Variants in USP47 observed in about 807,000 individuals in gnomAD.
USP47 encodes ubiquitin specific peptidase 47.
Under a neutral mutation model 165.1 loss-of-function variants are expected in USP47, and 35 were observed. The ratio of observed to expected loss-of-function variants is 0.21; its 90% CI spans 0.16 to 0.28. The LOEUF (loss-of-function observed/expected upper bound fraction) is 0.28, where lower values mean the gene tolerates loss of function less well. Among genes scored for constraint, USP47 ranks in the 10% least tolerant of loss-of-function variants. The probability of loss-of-function intolerance (pLI) is 1.00; values close to 1 mark genes in which losing one functional copy is unlikely to be tolerated. For missense variants in USP47, 1,277 were observed against 1,607.4 expected, an observed-to-expected ratio of 0.79 and a Z score of 3.52; for synonymous variants, 531 against 544.5, an observed-to-expected ratio of 0.98 and a Z score of 0.35.
intron 8 of USP47, among the ~76,000 whole-genome samples, chr11:11,909,576 G>A (rs1852813700): frequency 6.6e-6 from 1 of 151,898 alleles, no homozygotes; most frequent in African/African-American, 2.4e-5. Flanking sequence ...TCTTTTTATT[G>A]GTGTATTTTG....
chr11:11,845,296 C>G (rs987277359), intron 1 of USP47, among the ~76,000 whole-genome samples: 2 of 152,124 alleles, frequency 1.3e-5, no homozygotes, highest in African/African-American at 4.8e-5. Flanking sequence ...AGGTTTCTCT[C>G]TAACTTGCAT....
chr11:11,938,013 A>G (rs945833040), intron 17 of USP47, among the ~76,000 whole-genome samples: 1 of 151,974 alleles, frequency 6.6e-6, no homozygotes, highest in African/African-American at 2.4e-5. Flanking sequence ...TTTTGAGGAT[A>G]AGTCTTTGAT....
At chr11:11,931,763 CTTTTT>C (rs1854683757) in intron 14 of USP47, among the ~76,000 whole-genome samples, 1 of 152,080 alleles carries the variant, frequency 6.6e-6, no homozygotes, top group Admixed American at 6.6e-5. Context: ...TTTTTTTCCC[CTTTTT>C]AATGCCAAAT....
chr11:11,852,976 G>A (rs1848811513), intron 1 of USP47, among the ~76,000 whole-genome samples: 1 of 152,148 alleles, frequency 6.6e-6, no homozygotes, highest in African/African-American at 2.4e-5. Flanking sequence ...TTTTAAATGG[G>A]TGGACTTTTA....
intron 16 of USP47, among the ~76,000 whole-genome samples, chr11:11,934,538 T>C (rs1232923938): frequency 6.6e-6 from 1 of 152,112 alleles, no homozygotes; most frequent in Non-Finnish European, 1.5e-5. Context: ...TGGCCCATGC[T>C]CAAGGAAGAA....
chr11:11,881,073 G>C (rs1590290322), intron 2 of USP47, among the ~76,000 whole-genome samples: 1 of 152,052 alleles, frequency 6.6e-6, no homozygotes, highest in Non-Finnish European at 1.5e-5. Context: ...CTTTCATGGT[G>C]TAGCATTTCT....
intron 1 of USP47, among the ~76,000 whole-genome samples, chr11:11,843,542 C>CTA (rs773432783): frequency 5.9e-5 from 9 of 152,128 alleles, no homozygotes; most frequent in Non-Finnish European, 8.8e-5. Flanking sequence ...GTAAGTAATT[C>CTA]TTATGCAAGG....
chr11:11,940,108 C>T (rs1222598098), intron 18 of USP47, among the ~76,000 whole-genome samples: 9 of 151,882 alleles, frequency 5.9e-5, no homozygotes, highest in African/African-American at 9.7e-5. Context: ...AAGTCAGTTA[C>T]GCAGTTTCTT....
chr11:11,902,592 A>C (rs1590340909), intron 5 of USP47, 123 bp from the exon 6 acceptor site: 1 of 621,802 alleles, frequency 1.6e-6, no homozygotes, highest in Non-Finnish European at 2.4e-6. Context: ...AGTTTCAATT[A>C]GCATTCAAAC....
intron 1 of USP47, among the ~76,000 whole-genome samples, chr11:11,864,293 TG>T (rs769394487): frequency 4.1e-4 from 63 of 152,250 alleles, no homozygotes; most frequent in South Asian, 1.5e-3. Context: ...GGAAACCTAG[TG>T]TGTTGGCAGT....
chr11:11,897,568 T>G (rs774658567), intron 4 of USP47, 29 bp from the exon 5 acceptor site: 12 of 1,456,308 alleles, frequency 8.2e-6, no homozygotes, highest in Non-Finnish European at 1.0e-5. Flanking sequence ...AAATGCTGAT[T>G]AATGTACATT....
chr11:11,871,501 CAAAAAAAAAAAA>C (rs71037046), intron 1 of USP47, among the ~76,000 whole-genome samples: 32 of 63,154 alleles, frequency 5.1e-4, no homozygotes, highest in South Asian at 3.0e-3. Flanking sequence ...AACTCCCTCT[CAAAAAAAAAAAA>C]AAAAAAAAAA....
intron 1 of USP47, among the ~76,000 whole-genome samples, chr11:11,844,226 T>TA (rs980166925): frequency 1.1e-4 from 17 of 152,136 alleles, no homozygotes; most frequent in South Asian, 2.1e-4. Context: ...ATAGTTTTTT[T>TA]AAAAAAACAA....
rs1355961522 is a variant in USP47 at position 11,961,537 on chromosome 11, A to G, written c.*5362A>G. ...AACAGCAAGGAAATGGACTCTCCCCAGAGCCTCCAGAGGAATGCAGCCCTG... is the reference window on the plus strand; with the variant it reads ...AACAGCAAGGAAATGGACTCTCCCCGGAGCCTCCAGAGGAATGCAGCCCTG... On this transcript the variant is annotated 3_prime_UTR_variant, in exon 28 of 28. Coordinates refer to ENST00000527733, the MANE Select transcript of USP47 (RefSeq NM_001282659.2). Among the ~76,000 whole-genome samples the G allele has an allele frequency of 6.6e-6, 1 of 152,222 alleles. No individual in the cohort carries two copies. The highest frequency in any genetic ancestry group is 2.4e-5 in the African/African-American group (1 of 41,466).
intron 1 of USP47, among the ~76,000 whole-genome samples, chr11:11,850,319 GC>G (rs2134134032): frequency 1.4e-5 from 2 of 141,172 alleles, no homozygotes; most frequent in East Asian, 4.1e-4. Flanking sequence ...TTTTTTCTTT[GC>G]TTTCTGGGAG....
At chr11:11,909,580 T>C (rs530137089) in intron 8 of USP47, among the ~76,000 whole-genome samples, 5 of 152,342 alleles carry the variant, frequency 3.3e-5, no homozygotes, top group Admixed American at 3.3e-4. Flanking sequence ...TTTATTGGTG[T>C]ATTTTGTCAT....
intron 3 of USP47, among the ~76,000 whole-genome samples, chr11:11,886,067 A>G (rs1851143880): frequency 6.6e-6 from 1 of 152,230 alleles, no homozygotes; most frequent in South Asian, 2.1e-4. Flanking sequence ...TATCAACAGA[A>G]AAGACCCCAC....
chr11:11,909,272 T>G (rs1413523203), intron 8 of USP47, among the ~76,000 whole-genome samples: 3 of 152,190 alleles, frequency 2.0e-5, no homozygotes, highest in Non-Finnish European at 2.9e-5. Context: ...TTACTTGTAG[T>G]AATCTTTAAA....
chr11:11,956,429 A>G lies in USP47; in HGVS notation c.*254A>G, dbSNP rs1378620365. 1 of 322,732 alleles carries G rather than the reference A, an allele frequency of 3.1e-6. No homozygotes were observed. The highest frequency in any genetic ancestry group is 2.1e-5 in the African/African-American group (1 of 46,630). 20.0% of individuals were successfully genotyped at this position (322,732 alleles called of 1,614,324 possible). On this transcript the variant is annotated 3_prime_UTR_variant, in exon 28 of 28. Coordinates refer to ENST00000527733, the MANE Select transcript of USP47 (RefSeq NM_001282659.2). ...GCAAAAAAATAAAAAAAAACAACAAAAAAAGCTAACCTTCTATTAGAAAAG... is the reference window on the plus strand; with the variant it reads ...GCAAAAAAATAAAAAAAAACAACAAGAAAAGCTAACCTTCTATTAGAAAAG...
Sources: gnomAD v4.1 joint callset for allele counts (sites outside exome capture counted in the v4.1 genomes callset) on GRCh38, gnomAD v4.1.1 for gene constraint, MANE v1.5 for transcripts, NCBI Gene and HGNC (gene_info 2026-07-23, HGNC 2026-07-21) for gene names.